The following ITGA8 variants were observed in gnomAD, a reference collection of about 807,000 sequenced individuals.
ITGA8 encodes the protein integrin alpha-8.
In ITGA8, 91 loss-of-function variants were observed where a neutral mutation model predicts 142.3. The ratio of observed to expected loss-of-function variants is 0.64; its 90% confidence interval spans 0.54 to 0.76. The LOEUF is 0.76. ITGA8 is among the 30% of genes least tolerant of loss of function. The probability of loss-of-function intolerance (pLI) is 0.00; values close to 1 mark genes in which losing one functional copy is unlikely to be tolerated. For missense variants in ITGA8, 1,406 were observed against 1,327.7 expected, an observed-to-expected ratio of 1.06 and a Z score of -0.92; for synonymous variants, 505 against 485.2, an observed-to-expected ratio of 1.04 and a Z score of -0.54.
At chr10:15,588,348 G>T (rs1832868258) in intron 22 of ITGA8, among the ~76,000 whole-genome samples, 1 of 152,178 alleles carries the variant, frequency 6.6e-6, no homozygotes, top group African/African-American at 2.4e-5. Flanking sequence ...CTGGAATGGA[G>T]CATCGCCACT....
At chr10:15,683,294 C>CACCCATCA (rs1448234973) in intron 4 of ITGA8, among the ~76,000 whole-genome samples, 4 of 56,666 alleles carry the variant, frequency 7.1e-5, no homozygotes, top group Non-Finnish European at 1.2e-4. Context: ...TCCATCCATC[C>CACCCATCA]ACCCATCCAC....
chr10:15,671,362 A>G (rs1834513677), intron 8 of ITGA8, among the ~76,000 whole-genome samples: 1 of 152,210 alleles, frequency 6.6e-6, no homozygotes, highest in African/African-American at 2.4e-5. Flanking sequence ...ACATGGGATT[A>G]TGGCCCTAAT....
chr10:15,534,939 G>A (rs945724122), intron 27 of ITGA8, among the ~76,000 whole-genome samples: 84 of 152,182 alleles, frequency 5.5e-4, no homozygotes, highest in Non-Finnish European at 1.2e-4. Flanking sequence ...GGCCGGAGCC[G>A]GCTCCCTCAG....
intron 24 of ITGA8, among the ~76,000 whole-genome samples, 161 bp from the exon 25 acceptor site, chr10:15,572,530 A>C (rs1311398746): frequency 6.6e-6 from 1 of 152,232 alleles, no homozygotes; most frequent in African/African-American, 2.4e-5. Context: ...CGATATGGCA[A>C]GAAGCACTCT....
intron 13 of ITGA8, among the ~76,000 whole-genome samples, chr10:15,616,823 C>T (rs766890287): frequency 2.6e-5 from 4 of 152,190 alleles, no homozygotes; most frequent in African/African-American, 4.8e-5. Flanking sequence ...ATCATCGCAT[C>T]ACTTTTCCTA....
At chr10:15,616,818 C>T (rs1213835383) in intron 13 of ITGA8, among the ~76,000 whole-genome samples, 3 of 152,160 alleles carry the variant, frequency 2.0e-5, no homozygotes, top group African/African-American at 7.2e-5. Flanking sequence ...AACTCATCAT[C>T]GCATCACTTT....
At chr10:15,528,978 CCTT>C (rs1216355955) in intron 28 of ITGA8, among the ~76,000 whole-genome samples, 2 of 150,058 alleles carry the variant, frequency 1.3e-5, no homozygotes, top group Non-Finnish European at 3.0e-5. Flanking sequence ...TTCTTTCTTT[CCTT>C]CTTTCTTTCC....
chr10:15,647,042 A>G lies in ITGA8; in HGVS notation c.1011T>C (p.Asp337=). 6.2e-7 allele frequency: 1 copy of G among 1,613,178 alleles called. No individual in the cohort carries two copies. The highest frequency in any genetic ancestry group is 8.5e-7 in the Non-Finnish European group (1 of 1,179,880). The change falls in exon 12 of 30, where the codon GAT becomes GAC. Residue 337 remains aspartate, a synonymous_variant. Coordinates refer to ENST00000378076, the MANE Select transcript of ITGA8 (RefSeq NM_003638.3). ...VSDVNSDGLD[D]VLVGAPLFME... is the part of the protein sequence containing the mutation. ...TAAAGAGAGGTGCCCCAACCAGGAC[A>G]TCATCCAGTCTGTAAGGAACAAAGA...
intron 2 of ITGA8, among the ~76,000 whole-genome samples, chr10:15,701,889 G>A (rs1835171724): frequency 6.6e-6 from 1 of 152,132 alleles, no homozygotes; most frequent in Non-Finnish European, 1.5e-5. Context: ...CTTTATCATA[G>A]TCAAATTTAT....
At chr10:15,593,754 G>T (rs1353177897) in intron 21 of ITGA8, among the ~76,000 whole-genome samples, 1 of 151,674 alleles carries the variant, frequency 6.6e-6, no homozygotes, top group East Asian at 1.9e-4. Flanking sequence ...ACAGGTAGGT[G>T]TTTTCTCATT....
intron 14 of ITGA8, among the ~76,000 whole-genome samples, chr10:15,615,766 G>A (rs1052839334): frequency 6.6e-6 from 1 of 152,010 alleles, no homozygotes; most frequent in Admixed American, 6.6e-5. Flanking sequence ...CGCCCACCTC[G>A]GCCCCCCAAA....
rs560133833 is a variant in ITGA8, at chr10:15,651,354, G to A, written c.1001+4000C>T. Among the ~76,000 whole-genome samples the A allele has an allele frequency of 4.6e-5, 7 of 152,182 alleles. No individual in the cohort carries two copies. The East Asian group carries it at 9.7e-4, about 21-fold the overall frequency. ...AACGAAACTGAAGATAATTTCCCCA[G>A]CTTGTTTATATTTTCAAAACTGTCA... On this transcript the variant is annotated intron_variant, in intron 11 of 29. Transcript: ENST00000378076.
At chr10:15,536,737 T>C (rs1250334062) in intron 27 of ITGA8, among the ~76,000 whole-genome samples, 1 of 152,186 alleles carries the variant, frequency 6.6e-6, no homozygotes, top group Non-Finnish European at 1.5e-5. Context: ...TACCGCATCA[T>C]TTAAACCATG....
intron 27 of ITGA8, among the ~76,000 whole-genome samples, chr10:15,533,863 T>C (rs1386114298): frequency 6.6e-6 from 1 of 152,152 alleles, no homozygotes; most frequent in Non-Finnish European, 1.5e-5. Flanking sequence ...CCCTTCCTGC[T>C]GTTGGCTGCA....
intron 2 of ITGA8, among the ~76,000 whole-genome samples, chr10:15,705,417 G>A (rs1835239797): frequency 6.6e-6 from 1 of 152,132 alleles, no homozygotes; most frequent in Non-Finnish European, 1.5e-5. Context: ...GTTGTTTCCT[G>A]ACTCTGCCTG....
chr10:15,654,193 G>A (rs756008113), intron 11 of ITGA8, among the ~76,000 whole-genome samples: 3 of 152,150 alleles, frequency 2.0e-5, no homozygotes, highest in Non-Finnish European at 2.9e-5. Context: ...GAATAAAACT[G>A]AATTATCAGG....
chr10:15,717,290 A>C (rs1240316275), intron 2 of ITGA8, among the ~76,000 whole-genome samples: 1 of 152,238 alleles, frequency 6.6e-6, no homozygotes, highest in Non-Finnish European at 1.5e-5. Flanking sequence ...ATGTAAATTC[A>C]AATAATGTTA....
chr10:15,581,108 C>T (rs935117604), intron 23 of ITGA8, among the ~76,000 whole-genome samples: 1 of 152,152 alleles, frequency 6.6e-6, no homozygotes, highest in Non-Finnish European at 1.5e-5. Context: ...TATCCTAACA[C>T]TATGATTTAG....
chr10:15,631,537 A>T, intron 13 of ITGA8, among the ~76,000 whole-genome samples: 1 of 151,866 alleles, frequency 6.6e-6, no homozygotes, highest in Admixed American at 6.6e-5. Context: ...GGACACAGAG[A>T]CAGGAACATC....
Sources: gnomAD v4.1 joint callset for allele counts (sites outside exome capture counted in the v4.1 genomes callset) on GRCh38, gnomAD v4.1.1 for gene constraint, MANE v1.5 for transcripts, NCBI Gene and HGNC (gene_info 2026-07-23, HGNC 2026-07-21) for gene names.